PAK4: variants seen among roughly 807,000 people sequenced by gnomAD.
PAK4 encodes the protein p21 (RAC1) activated kinase 4, also known as serine/threonine-protein kinase PAK 4.
A neutral mutation model predicts 53.5 loss-of-function variants in PAK4; 49 were observed. The ratio of observed to expected loss-of-function variants is 0.92; its 90% CI spans 0.73 to 1.16. The LOEUF (loss-of-function observed/expected upper bound fraction) is 1.16, where lower values mean the gene tolerates loss of function less well. Among genes scored for constraint, PAK4 ranks in the 50% most tolerant of loss-of-function variants. PAK4 has a pLI of 0.00. For missense variants in PAK4, 824 were observed against 850.7 expected, an observed-to-expected ratio of 0.97 and a Z score of 0.39; for synonymous variants, 376 against 375.6, an observed-to-expected ratio of 1.00 and a Z score of -0.01.
Position 39,175,269 on chromosome 19 carries a change from G to C in PAK4, c.1233-43G>C. On this transcript the variant is annotated intron_variant, in intron 5 of 8. Coordinates refer to ENST00000358301, the Ensembl canonical transcript of PAK4. The surrounding 1 kb of genome is among the most constrained non-coding windows in gnomAD (Gnocchi z 4.7). ...GGCTGCGTCCCCCTCGGCACCCCGG[G>C]GTGCTGTCCAGCTGGCTGCTCACCC... The C allele has an allele frequency of 6.5e-7, 1 of 1,546,958 alleles. No homozygotes were observed. Among genetic ancestry groups the C allele is most frequent in the Non-Finnish European group, 8.8e-7 (1 of 1,141,250 alleles).
intron 1 of PAK4, among the ~76,000 whole-genome samples, chr19:39,139,768 G>A (rs1017708926): frequency 6.6e-6 from 1 of 152,210 alleles, no homozygotes; most frequent in Non-Finnish European, 1.5e-5. Context: ...CACTGCAGGG[G>A]CCCAAGCTGG....
At chr19:39,128,737 C>T (rs546188240) in intron 1 of PAK4, among the ~76,000 whole-genome samples, 260 of 152,332 alleles carry the variant, frequency 1.7e-3, no homozygotes, top group Non-Finnish European at 2.9e-3. Context: ...CCCTCCCTTC[C>T]AGGGGCAGCC....
rs542621123 is a variant in PAK4 at position 39,161,145 on chromosome 19, A to T, written c.-22-8387A>T. 6.6e-6 allele frequency among the ~76,000 whole-genome samples: 1 copy of T among 152,352 alleles called. No individual in the cohort carries two copies. The highest frequency in any genetic ancestry group is 1.9e-4 in the East Asian group (1 of 5,184). ...CTGTGTGCCTGGCACAGCCTGGGCA[A>T]GTCCACAGCCACGAAGGGGAGCCCT... On this transcript the variant is annotated intron_variant, in intron 1 of 8. Coordinates refer to ENST00000358301, the Ensembl canonical transcript of PAK4. This position sits in a 1 kb window ranked among gnomAD's most constrained non-coding sequence, Gnocchi z 4.5.
intron 1 of PAK4, among the ~76,000 whole-genome samples, chr19:39,129,311 C>A (rs184218165): frequency 3.9e-5 from 6 of 152,082 alleles, no homozygotes; most frequent in South Asian, 4.2e-4. Flanking sequence ...GTGATCGTGT[C>A]ACACAGGAGT....
chr19:39,165,551 T>TAAATAAATAAATAAAA lies in PAK4; in HGVS notation c.-22-3978_-22-3977insTAAATAAATAAAAAAA, dbSNP rs1398988045. Among the ~76,000 whole-genome samples the TAAATAAATAAATAAAA allele has an allele frequency of 5.7e-5, 7 of 122,248 alleles. No homozygotes were observed. In the East Asian group the frequency reaches 7.2e-4, roughly 13 times the overall value. 80.2% of individuals were successfully genotyped at this position (122,248 alleles called of 152,430 possible). Reference sequence around the variant, plus strand: ...ATAAATAAATAAATAAATAAATAAATAAAATAATAATAGACAAAACCAACA... The same window carrying TAAATAAATAAATAAAA: ...ATAAATAAATAAATAAATAAATAAATAAATAAATAAATAAAAAAAATAATAATAGACAAAACCAACA... On this transcript the variant is annotated intron_variant, in intron 1 of 8. Transcript: ENST00000358301.
intron 1 of PAK4, 96 bp from the exon 3 acceptor site, chr19:39,169,433 GGTC>G: frequency 1.2e-6 from 1 of 855,926 alleles, no homozygotes; most frequent in South Asian, 1.6e-5. Context: ...GCCTCCTGTT[GGTC>G]CCGGTGTAAG....
intron 1 of PAK4, among the ~76,000 whole-genome samples, chr19:39,158,296 G>A (rs750832272): frequency 1.8e-4 from 27 of 152,178 alleles, no homozygotes; most frequent in Admixed American, 5.9e-4. Flanking sequence ...GCTGTGTGTT[G>A]GGTCTGTGAG....
rs1456937800 is a variant in PAK4, at chr19:39,173,600, A to G, written c.688A>G (p.Asn230Asp). ...GGGGGAGCCTCATGACGTGGCCCCT[A>G]ACGGGCCATCAGCGGGGGGCCTGGC... The change falls in exon 4 of 9, where the codon AAC (asparagine) becomes GAC (aspartate). Residue 230 changes from asparagine to aspartate, a missense_variant. By Grantham distance (23) the Asn-to-Asp change is conservative (BLOSUM62 1). Around this residue, in one of 2 missense-constraint regions of PAK4, gnomAD observed 478 missense variants for 435.8 expected, o/e 1.10. Transcript: ENST00000358301. The surrounding 1 kb of genome is among the most constrained non-coding windows in gnomAD (Gnocchi z 6.9). 6.5e-7 allele frequency: 1 copy of G among 1,528,946 alleles called. No individual in the cohort carries two copies. The highest frequency in any genetic ancestry group is 8.8e-7 in the Non-Finnish European group (1 of 1,140,418). 94.7% of individuals were successfully genotyped at this position (1,528,946 alleles called of 1,614,324 possible). A position where few individuals can be genotyped will look rare whatever the true frequency, so the allele number is the denominator to read the frequency against.
chr19:39,130,562 T>G (rs917304565), intron 1 of PAK4, among the ~76,000 whole-genome samples: 2 of 152,016 alleles, frequency 1.3e-5, no homozygotes, highest in South Asian at 2.1e-4. Flanking sequence ...CTCGGAATGG[T>G]CGAGGATCAT....
chr19:39,175,365 C>T lies in PAK4; in HGVS notation c.1286C>T (p.Ser429Leu), dbSNP rs377696830. The change falls in exon 6 of 9, where the codon TCG (serine) becomes TTG (leucine). Residue 429 changes from serine to leucine, a missense_variant. This residue lies in a region of PAK4 where 346 missense variants were observed against 415.0 expected (regional missense o/e 0.83). Coordinates refer to ENST00000358301, the Ensembl canonical transcript of PAK4. The surrounding 1 kb of genome is among the most constrained non-coding windows in gnomAD (Gnocchi z 4.7). Reference sequence around the variant, plus strand: ...TGCCTTGCAGTGCTGCAGGCCCTGTCGGTGCTCCACGCCCAGGGCGTCATC... The same window carrying T: ...TGCCTTGCAGTGCTGCAGGCCCTGTTGGTGCTCCACGCCCAGGGCGTCATC... The T allele has an allele frequency of 3.1e-5, 50 of 1,596,188 alleles. No homozygotes were observed. Among genetic ancestry groups the T allele is most frequent in the East Asian group, 6.9e-5 (3 of 43,770 alleles).
intron 2 of PAK4, 121 bp downstream of exon 3, chr19:39,169,878 C>T: frequency 2.8e-6 from 2 of 713,364 alleles, no homozygotes; most frequent in Non-Finnish European, 4.6e-6. Context: ...TGGAGACAAA[C>T]CCCAGCCTTC....
chr19:39,170,074 A>G (rs989507515), intron 2 of PAK4, among the ~76,000 whole-genome samples: 2 of 152,076 alleles, frequency 1.3e-5, no homozygotes, highest in African/African-American at 4.8e-5. Flanking sequence ...ACCCCGGACC[A>G]CACTCCTGTC....
At chr19:39,146,065 C>T (rs983822375) in intron 1 of PAK4, among the ~76,000 whole-genome samples, 7 of 152,232 alleles carry the variant, frequency 4.6e-5, no homozygotes, top group Admixed American at 3.3e-4. Context: ...GTGTGGAAGC[C>T]TCTTAATGAG....
At chr19:39,182,480 C>T (rs994614704), downstream of PAK4, 1 of 152,158 alleles carries the variant, frequency 6.6e-6, no homozygotes, top group Non-Finnish European at 1.5e-5. Context: ...AGAGGCAGAC[C>T]CAGATGTGTA....
At chr19:39,177,755 A>G in exon 8 of PAK4, 1 of 1,613,662 alleles carries the variant, frequency 6.2e-7, no homozygotes, top group African/African-American at 1.3e-5. Context: ...CACCCCTCAA[A>G]GCCATGAAGA....
Position 39,174,011 on chromosome 19 carries a change from G to T in PAK4, c.1098+1G>T. 3 of 1,573,284 alleles carry T rather than the reference G, an allele frequency of 1.9e-6. No homozygotes were observed. Among genetic ancestry groups the T allele is most frequent in the East Asian group, 2.3e-5 (1 of 43,306 alleles). On this transcript the variant is annotated splice_donor_variant, in intron 4 of 8. Transcript: ENST00000358301. LOFTEE classifies it high-confidence loss of function. Reference sequence around the variant, plus strand: ...GAGGCGCGAGCTGCTCTTCAACGAGGTGCGGGCGCTGCTGCCCTGCCGCCC... The same window carrying T: ...GAGGCGCGAGCTGCTCTTCAACGAGTTGCGGGCGCTGCTGCCCTGCCGCCC...
chr19:39,137,017 C>A (rs1406081051), intron 1 of PAK4, among the ~76,000 whole-genome samples: 1 of 152,170 alleles, frequency 6.6e-6, no homozygotes, highest in Non-Finnish European at 1.5e-5. Context: ...GGATTCCAGT[C>A]TTGACAGCTG....
intron 1 of PAK4, among the ~76,000 whole-genome samples, chr19:39,167,074 C>T (rs1219569883): frequency 2.6e-5 from 4 of 152,222 alleles, no homozygotes; most frequent in Admixed American, 6.5e-5. Flanking sequence ...CTGGGCCAGC[C>T]GCCCGCCCTC....
chr19:39,145,614 G>A (rs1209664985), intron 1 of PAK4, among the ~76,000 whole-genome samples: 2 of 152,192 alleles, frequency 1.3e-5, no homozygotes, highest in African/African-American at 2.4e-5. Context: ...GCACCACATA[G>A]GACCCAGTTA....
Sources: gnomAD v4.1 joint callset for allele counts (sites outside exome capture counted in the v4.1 genomes callset) on GRCh38, gnomAD v4.1.1 for gene constraint, gnomAD v4.1.1 regional missense constraint, Gnocchi (gnomAD v3.1) non-coding constraint, MANE v1.5 for transcripts, NCBI Gene and HGNC (gene_info 2026-07-23, HGNC 2026-07-21) for gene names.